The following SNTB2 variants were observed in gnomAD, a reference collection of about 807,000 sequenced individuals.
SNTB2 encodes syntrophin beta 2, also known as beta-2-syntrophin.
SNTB2 carries 34 observed loss-of-function variants against 46.2 expected under a neutral mutation model. The observed-to-expected ratio is 0.74, with a 90% CI of 0.56 to 0.98. SNTB2 has a LOEUF of 0.98. Among genes scored for constraint, SNTB2 ranks in the 50% least tolerant of loss-of-function variants. The probability of loss-of-function intolerance (pLI) is 0.00; values close to 1 mark genes in which losing one functional copy is unlikely to be tolerated. For missense variants in SNTB2, 603 were observed against 731.4 expected, an observed-to-expected ratio of 0.82 and a Z score of 2.02; for synonymous variants, 290 against 312.6, an observed-to-expected ratio of 0.93 and a Z score of 0.76.
At chr16:69,267,404 G>T (rs1964897085) in intron 3 of SNTB2, among the ~76,000 whole-genome samples, 1 of 152,164 alleles carries the variant, frequency 6.6e-6, no homozygotes, top group Admixed American at 6.5e-5. Context: ...TAATCTTGGG[G>T]ACAAATACCT....
rs910441705 is a variant in SNTB2, at chr16:69,202,637, A to G, written c.580+14891A>G. ...GTCTCCCAGGCTGGAGTGCAGTGGCATGATCTTGGTTCACTGCAACCTCTG... is the reference window on the plus strand; with the variant it reads ...GTCTCCCAGGCTGGAGTGCAGTGGCGTGATCTTGGTTCACTGCAACCTCTG... On this transcript the variant is annotated intron_variant, in intron 1 of 6. Transcript: ENST00000336278. Among the ~76,000 whole-genome samples the G allele has an allele frequency of 5.3e-5, 8 of 151,874 alleles. No individual in the cohort carries two copies. In the East Asian group the frequency reaches 9.7e-4, roughly 18 times the overall value.
intron 2 of SNTB2, among the ~76,000 whole-genome samples, chr16:69,253,907 G>C (rs1382719739): frequency 3.9e-5 from 6 of 152,132 alleles, no homozygotes; most frequent in Non-Finnish European, 7.4e-5. Context: ...GATGTGTAAA[G>C]ACTTTCAGAA....
chr16:69,301,189 G>T lies in SNTB2; in HGVS notation c.*265G>T, dbSNP rs970448776. 13 of 303,792 alleles carry T rather than the reference G, an allele frequency of 4.3e-5. No individual in the cohort carries two copies. The highest frequency in any genetic ancestry group is 1.6e-4 in the South Asian group (2 of 12,246). The allele number at this position is 303,792 out of a possible 1,614,324, so 18.8% of individuals were successfully genotyped here. Reference sequence around the variant, plus strand: ...CAAAATATGGTTTATGAGTAATTAGGTTTATTTCTACTGCTAAAAAGAATG... The same window carrying T: ...CAAAATATGGTTTATGAGTAATTAGTTTTATTTCTACTGCTAAAAAGAATG... On this transcript the variant is annotated 3_prime_UTR_variant, in exon 7 of 7. Transcript: ENST00000336278.
intron 1 of SNTB2, among the ~76,000 whole-genome samples, chr16:69,191,703 C>G (rs541479319): frequency 2.0e-5 from 3 of 151,624 alleles, no homozygotes; most frequent in Non-Finnish European, 4.4e-5. Context: ...TGCAGTGGTG[C>G]GATCTCAGCT....
At chr16:69,232,502 CTTTTTT>C (rs1032986410) in intron 1 of SNTB2, among the ~76,000 whole-genome samples, 3 of 63,860 alleles carry the variant, frequency 4.7e-5, no homozygotes, top group East Asian at 7.4e-4. Flanking sequence ...ACGGTGCGGC[CTTTTTT>C]TTTTTTTTTT....
intron 4 of SNTB2, among the ~76,000 whole-genome samples, chr16:69,271,223 C>T (rs1567411647): frequency 6.6e-6 from 1 of 151,970 alleles, no homozygotes; most frequent in Non-Finnish European, 1.5e-5. Flanking sequence ...GTAGTATCTC[C>T]GTAATTTAGA....
rs1476541675 is a variant in SNTB2, at chr16:69,214,893, G to C, written c.580+27147G>C. 2.0e-5 allele frequency among the ~76,000 whole-genome samples: 3 copies of C among 151,742 alleles called. No individual in the cohort carries two copies. In the East Asian group the frequency reaches 5.8e-4, roughly 29 times the overall value. On this transcript the variant is annotated intron_variant, in intron 1 of 6. Coordinates refer to ENST00000336278, the MANE Select transcript of SNTB2 (RefSeq NM_006750.4). ...TGGTCTCGTTCTGTCACCCAGGCTG[G>C]AGTGCAGTGGTGCAGTCTCGATTCA...
chr16:69,197,313 G>A, intron 1 of SNTB2, among the ~76,000 whole-genome samples: 1 of 152,142 alleles, frequency 6.6e-6, no homozygotes, highest in Admixed American at 6.6e-5. Flanking sequence ...AATAGGTGTG[G>A]GTGGTGGGAA....
At chr16:69,278,794 A>G (rs188218968) in intron 4 of SNTB2, among the ~76,000 whole-genome samples, 7 of 151,770 alleles carry the variant, frequency 4.6e-5, no homozygotes, top group Admixed American at 2.0e-4. Flanking sequence ...AAGCCTTACC[A>G]TCTTTTTGGG....
At chr16:69,203,540 C>G (rs80086854) in intron 1 of SNTB2, among the ~76,000 whole-genome samples, 4,093 of 151,020 alleles carry the variant, frequency 0.027, 70 homozygotes, top group Non-Finnish European at 0.043. Flanking sequence ...GGATATTGCT[C>G]TGTTGCCCAG....
At chr16:69,223,337 C>T (rs963098542) in intron 1 of SNTB2, among the ~76,000 whole-genome samples, 11 of 150,678 alleles carry the variant, frequency 7.3e-5, no homozygotes, top group Non-Finnish European at 1.3e-4. Flanking sequence ...AGATTACAGG[C>T]GCCCCAGCCA....
At position 69,300,880 on chromosome 16, in the gene SNTB2, A is replaced by G; in HGVS notation, c.1579A>G (p.Thr527Ala). 1 of 1,614,136 alleles carries G rather than the reference A, an allele frequency of 6.2e-7. No individual in the cohort carries two copies. Among genetic ancestry groups the G allele is most frequent in the Non-Finnish European group, 8.5e-7 (1 of 1,179,996 alleles). The change falls in exon 7 of 7, where the codon ACG (threonine) becomes GCG (alanine). Residue 527 changes from threonine (T) to alanine (A), a missense_variant. Thr to Ala is a moderately conservative substitution (Grantham distance 58). Transcript: ENST00000336278. Reference protein sequence around the residue: ...CPKPIVFVLHTFLSAKVTRMG... With the variant: ...CPKPIVFVLHAFLSAKVTRMG... ...GAAGCCGATTGTATTTGTGTTGCAC[A>G]CGTTTTTATCGGCCAAAGTCACTCG...
chr16:69,275,706 C>T (rs1331563481), intron 4 of SNTB2, among the ~76,000 whole-genome samples: 1 of 152,100 alleles, frequency 6.6e-6, no homozygotes, highest in African/African-American at 2.4e-5. Context: ...TGAGAAGGGG[C>T]TGAATGTTTA....
rs1964926651 is a variant in SNTB2 at position 69,270,398 on chromosome 16, G to A, written c.1148+113G>A. On this transcript the variant is annotated intron_variant, in intron 4 of 6. Transcript: ENST00000336278. Reference sequence around the variant, plus strand: ...TGCCTAAAAGAGCATTTAAGTAGCGGATATAGTTGATGCAGACAAAAATTT... The same window carrying A: ...TGCCTAAAAGAGCATTTAAGTAGCGAATATAGTTGATGCAGACAAAAATTT... 10 of 1,308,308 alleles carry A rather than the reference G, an allele frequency of 7.6e-6. No homozygotes were observed. In the Admixed American group the frequency reaches 2.4e-4, roughly 32 times the overall value. 81.0% of individuals were successfully genotyped at this position (1,308,308 alleles called of 1,614,324 possible). A position where few individuals can be genotyped will look rare whatever the true frequency, so the allele number is the denominator to read the frequency against.
rs1444700013 is a variant in SNTB2 at position 69,306,596 on chromosome 16, A to G, written c.*5672A>G. The G allele has an allele frequency of 1.3e-5, 2 of 152,368 alleles. No homozygotes were observed. The highest frequency in any genetic ancestry group is 3.9e-4 in the East Asian group (2 of 5,190). The allele number at this position is 152,368 out of a possible 1,614,324, so 9.4% of individuals were successfully genotyped here. ...GGTTAAAACCAAAAACCTATAAGAGAGAAATGATATTTCATTGTATTGTAG... is the reference window on the plus strand; with the variant it reads ...GGTTAAAACCAAAAACCTATAAGAGGGAAATGATATTTCATTGTATTGTAG... On this transcript the variant is annotated 3_prime_UTR_variant, in exon 7 of 7. Transcript: ENST00000336278.
rs1475258313 is a variant in SNTB2 at position 69,301,991 on chromosome 16, G to T, written c.*1067G>T. 3.9e-5 allele frequency: 6 copies of T among 152,160 alleles called. No individual in the cohort carries two copies. The highest frequency in any genetic ancestry group is 7.2e-5 in the African/African-American group (3 of 41,434). The allele number at this position is 152,160 out of a possible 1,614,324, so 9.4% of individuals were successfully genotyped here. On this transcript the variant is annotated 3_prime_UTR_variant, in exon 7 of 7. Coordinates refer to ENST00000336278, the MANE Select transcript of SNTB2 (RefSeq NM_006750.4). ...GGAGTAGACTTGGTGGGTGAAGCCAGCAATTCCGCACAAACGTCATGTTGA... is the reference window on the plus strand; with the variant it reads ...GGAGTAGACTTGGTGGGTGAAGCCATCAATTCCGCACAAACGTCATGTTGA...
At chr16:69,256,271 C>T (rs1354174498) in intron 2 of SNTB2, among the ~76,000 whole-genome samples, 1 of 152,190 alleles carries the variant, frequency 6.6e-6, no homozygotes, top group East Asian at 1.9e-4. Context: ...TTCCCCGCCT[C>T]AGCCTCCCCA....
chr16:69,303,169 CAATA>C lies in SNTB2; in HGVS notation c.*2249_*2252del, dbSNP rs1444614327. 6.6e-6 allele frequency: 1 copy of C among 152,034 alleles called. No homozygotes were observed. The highest frequency in any genetic ancestry group is 1.5e-5 in the Non-Finnish European group (1 of 68,010). The allele number at this position is 152,034 out of a possible 1,614,324, so 9.4% of individuals were successfully genotyped here. A position where few individuals can be genotyped will look rare whatever the true frequency, so the allele number is the denominator to read the frequency against. ...GGTGTGAGCCCCCGTGCCTGGCCCA[CAATA>C]AATTTTCATTTCAGAGAAGGAAAAA... On this transcript the variant is annotated 3_prime_UTR_variant, in exon 7 of 7. Coordinates refer to ENST00000336278, the MANE Select transcript of SNTB2 (RefSeq NM_006750.4).
At chr16:69,252,121 C>T (rs1302447651) in intron 2 of SNTB2, among the ~76,000 whole-genome samples, 1 of 152,170 alleles carries the variant, frequency 6.6e-6, no homozygotes, top group South Asian at 2.1e-4. Context: ...TTATCTAAAG[C>T]CTTCACTTTC....
Sources: gnomAD v4.1 joint callset for allele counts (sites outside exome capture counted in the v4.1 genomes callset) on GRCh38, gnomAD v4.1.1 for gene constraint, MANE v1.5 for transcripts, NCBI Gene and HGNC (gene_info 2026-07-23, HGNC 2026-07-21) for gene names.